Variants in CCNY observed in about 807,000 individuals in gnomAD.
CCNY encodes cyclin-Y.
A neutral mutation model predicts 42.8 loss-of-function variants in CCNY; 19 were observed. The ratio of observed to expected loss-of-function variants is 0.44; its 90% CI spans 0.31 to 0.65. The LOEUF (loss-of-function observed/expected upper bound fraction) is 0.65. Ranked by LOEUF, CCNY falls within the 30% of genes least tolerant of loss-of-function variation. CCNY has a pLI of 0.07. For synonymous variants in CCNY, 165 were observed against 162.7 expected (o/e 1.01, Z -0.11); for missense variants, 370 against 437.3 (o/e 0.85, Z 1.37).
intron 1 of CCNY, among the ~76,000 whole-genome samples, chr10:35,426,548 A>T (rs928843088): frequency 8.5e-5 from 13 of 152,236 alleles, no homozygotes; most frequent in Admixed American, 7.8e-4. Flanking sequence ...AAGAAGCAAA[A>T]TACTGCTTAA....
chr10:35,413,374 C>T (rs1564401742), intron 1 of CCNY, among the ~76,000 whole-genome samples: 3 of 151,990 alleles, frequency 2.0e-5, no homozygotes, highest in Non-Finnish European at 4.4e-5. Context: ...ATACAGTAGA[C>T]AGAGAGCAAA....
At chr10:35,371,373 A>T (rs1268673122) in intron 1 of CCNY, among the ~76,000 whole-genome samples, 1 of 152,192 alleles carries the variant, frequency 6.6e-6, no homozygotes, top group Non-Finnish European at 1.5e-5. Context: ...AGCCTGGATT[A>T]GTTGTCTTCC....
chr10:35,393,399 A>G (rs1365597709), intron 1 of CCNY, among the ~76,000 whole-genome samples: 1 of 152,168 alleles, frequency 6.6e-6, no homozygotes, highest in African/African-American at 2.4e-5. Context: ...CTATTTGGGA[A>G]GGCATGTCTG....
rs1164644575 is a variant in CCNY at position 35,501,811 on chromosome 10, C to T, written c.264+276C>T. The T allele has an allele frequency of 1.1e-5, 4 of 372,078 alleles. No homozygotes were observed. The East Asian group carries it at 1.6e-4, about 15-fold the overall frequency. 23.0% of individuals were successfully genotyped at this position (372,078 alleles called of 1,614,324 possible). On this transcript the variant is annotated intron_variant, in intron 3 of 9. Coordinates refer to ENST00000374704, the MANE Select transcript of CCNY (RefSeq NM_145012.6). The stretch of plus-strand genomic sequence containing the variant: ...TCAAACATCACCCAGCAAGTCCAAG[C>T]GAAAGCCACTTCTTTTTAATTTTGA...
At position 35,477,487 on chromosome 10, in the gene CCNY, G is replaced by A. The variant is rs1457765761; in HGVS notation, c.155-5917G>A. Among the ~76,000 whole-genome samples the A allele has an allele frequency of 7.9e-5, 12 of 151,354 alleles. No individual in the cohort carries two copies. The South Asian group carries it at 8.4e-4, about 11-fold the overall frequency. ...GGGATGCAAGGCTGGTTCAATATAC[G>A]CAAATCAATAAATGTAATCCAGCAT... On this transcript the variant is annotated intron_variant, in intron 1 of 9. Transcript: ENST00000374704.
At chr10:35,363,184 G>C (rs1193310377) in intron 1 of CCNY, among the ~76,000 whole-genome samples, 1 of 144,202 alleles carries the variant, frequency 6.9e-6, no homozygotes, top group Non-Finnish European at 1.5e-5. Flanking sequence ...CTTCCCCGAC[G>C]GGGCGGCAGC....
intron 3 of CCNY, among the ~76,000 whole-genome samples, chr10:35,267,463 G>A (rs1166057782): frequency 1.3e-5 from 2 of 152,134 alleles, no homozygotes; most frequent in Non-Finnish European, 2.9e-5. Context: ...GCCAAATGAG[G>A]AACAGGCTAA....
At chr10:35,268,520 C>G (rs1271476902) in intron 3 of CCNY, among the ~76,000 whole-genome samples, 1 of 152,234 alleles carries the variant, frequency 6.6e-6, no homozygotes, top group South Asian at 2.1e-4. Flanking sequence ...CTCTCCCAAG[C>G]TGGTATTGTG....
chr10:35,380,740 C>A (rs1420319081), intron 1 of CCNY, among the ~76,000 whole-genome samples: 1 of 152,174 alleles, frequency 6.6e-6, no homozygotes, highest in Non-Finnish European at 1.5e-5. Flanking sequence ...CCTGGGGTCT[C>A]CCAGTCCGCA....
At chr10:35,513,733 A>G (rs990212230) in intron 3 of CCNY, among the ~76,000 whole-genome samples, 1 of 152,176 alleles carries the variant, frequency 6.6e-6, no homozygotes, top group African/African-American at 2.4e-5. Context: ...TTAACTACCA[A>G]GAGTCATGCC....
chr10:35,404,657 G>C (rs181300155), intron 1 of CCNY, among the ~76,000 whole-genome samples: 60 of 152,240 alleles, frequency 3.9e-4, no homozygotes, highest in Non-Finnish European at 7.5e-4. Flanking sequence ...GGTCCAGGGG[G>C]CTTCCGAGGC....
At chr10:35,313,476 C>CTCTG (rs1365590209) in intron 3 of CCNY, among the ~76,000 whole-genome samples, 1 of 152,172 alleles carries the variant, frequency 6.6e-6, no homozygotes, top group Non-Finnish European at 1.5e-5. Flanking sequence ...GTTTCAGGCT[C>CTCTG]TCTGCAACAA....
At chr10:35,308,895 C>T (rs1484424515) in intron 3 of CCNY, among the ~76,000 whole-genome samples, 2 of 151,950 alleles carry the variant, frequency 1.3e-5, no homozygotes, top group Non-Finnish European at 2.9e-5. Context: ...TGACGATGGT[C>T]AATTAGAGAG....
chr10:35,273,590 C>T (rs117068520), intron 3 of CCNY, among the ~76,000 whole-genome samples: 1,526 of 152,176 alleles, frequency 0.01, 10 homozygotes, highest in Non-Finnish European at 0.017. Flanking sequence ...CTTGCTGGAG[C>T]GCTCTTGGGG....
intron 1 of CCNY, among the ~76,000 whole-genome samples, chr10:35,416,255 T>G (rs991379160): frequency 6.6e-6 from 1 of 151,652 alleles, no homozygotes; most frequent in African/African-American, 2.4e-5. Flanking sequence ...ATGCTGACAT[T>G]GGTGGATTTC....
At chr10:35,459,198 G>C (rs1270654821) in intron 1 of CCNY, among the ~76,000 whole-genome samples, 1 of 152,224 alleles carries the variant, frequency 6.6e-6, no homozygotes, top group African/African-American at 2.4e-5. Flanking sequence ...GAGTGATGCA[G>C]ATACACCGTG....
chr10:35,550,855 C>G (rs1841240059), intron 7 of CCNY, among the ~76,000 whole-genome samples: 1 of 152,162 alleles, frequency 6.6e-6, no homozygotes, highest in African/African-American at 2.4e-5. Flanking sequence ...CCAGCCCCTC[C>G]TTTTCTTAGT....
At chr10:35,300,039 T>C (rs1835514814) in intron 3 of CCNY, among the ~76,000 whole-genome samples, 1 of 152,230 alleles carries the variant, frequency 6.6e-6, no homozygotes, top group Non-Finnish European at 1.5e-5. Context: ...TCGAGGTCTT[T>C]AGGCTTTGTC....
intron 3 of CCNY, among the ~76,000 whole-genome samples, chr10:35,313,057 A>G (rs944531400): frequency 6.6e-6 from 1 of 152,040 alleles, no homozygotes. Context: ...CAACTTGCAT[A>G]CAACACCCTA....
Sources: gnomAD v4.1 joint callset for allele counts (sites outside exome capture counted in the v4.1 genomes callset) on GRCh38, gnomAD v4.1.1 for gene constraint, MANE v1.5 for transcripts, NCBI Gene and HGNC (gene_info 2026-07-23, HGNC 2026-07-21) for gene names.